OCA2: variants seen among roughly 807,000 people sequenced by gnomAD.
The protein encoded by OCA2 is P protein.
In OCA2, 77 loss-of-function variants were observed where a neutral mutation model predicts 100.2. The ratio of observed to expected loss-of-function variants is 0.77; its 90% CI spans 0.64 to 0.93. OCA2 has a LOEUF of 0.93. Among genes scored for constraint, OCA2 ranks in the 40% least tolerant of loss-of-function variants. OCA2 has a pLI of 0.00. For missense variants in OCA2, 1,062 were observed against 1,089.1 expected (o/e 0.98, Z 0.35); for synonymous variants, 432 against 439.2 (o/e 0.98, Z 0.21).
chr15:27,922,897 T>C (rs1048550665), intron 19 of OCA2, among the ~76,000 whole-genome samples: 19 of 152,122 alleles, frequency 1.2e-4, no homozygotes, highest in African/African-American at 4.6e-4. Context: ...GTTGTACAGA[T>C]TATTTTGTCA....
chr15:27,886,535 C>G (rs1010696847), intron 19 of OCA2, among the ~76,000 whole-genome samples: 11 of 152,106 alleles, frequency 7.2e-5, no homozygotes, highest in African/African-American at 2.2e-4. Context: ...TTATTTATAA[C>G]TTCAAAACAC....
the OCA2 span, among the ~76,000 whole-genome samples, chr15:27,730,517 A>G: frequency 1.3e-5 from 2 of 151,858 alleles, no homozygotes; most frequent in African/African-American, 4.8e-5. Flanking sequence ...AATTGGCTCA[A>G]TCTCCCACCC....
At chr15:27,964,140 C>T (rs2040489986) in intron 15 of OCA2, among the ~76,000 whole-genome samples, 1 of 152,080 alleles carries the variant, frequency 6.6e-6, no homozygotes, top group Admixed American at 6.5e-5. Flanking sequence ...ACATCCAGGC[C>T]TATAAATGTC....
chr15:27,990,739 G>C (rs1334257240), intron 9 of OCA2, 92 bp from the exon 10 acceptor site: 1 of 1,045,108 alleles, frequency 9.6e-7, no homozygotes. Context: ...GTCTATATCT[G>C]CCACTGTGTA....
chr15:27,726,541 TAGAG>T, the OCA2 span, among the ~76,000 whole-genome samples: 9 of 152,198 alleles, frequency 5.9e-5, no homozygotes, highest in East Asian at 1.9e-4. Context: ...GGCCTGGAGA[TAGAG>T]AGAATCTTCT....
intron 18 of OCA2, among the ~76,000 whole-genome samples, chr15:27,930,940 T>A (rs922551104): frequency 1.3e-5 from 2 of 152,186 alleles, no homozygotes; most frequent in African/African-American, 4.8e-5. Context: ...ATCATCAAAT[T>A]AGCCAAACAC....
At chr15:27,761,230 C>T (rs1445465491) in intron 23 of OCA2, among the ~76,000 whole-genome samples, 1 of 151,564 alleles carries the variant, frequency 6.6e-6, no homozygotes, top group Non-Finnish European at 1.5e-5. Context: ...AATCAGTGAG[C>T]AGTAAGTTCA....
chr15:27,856,419 T>C (rs929572368), intron 21 of OCA2, among the ~76,000 whole-genome samples: 5 of 152,158 alleles, frequency 3.3e-5, no homozygotes, highest in African/African-American at 1.2e-4. Flanking sequence ...ATTTTGGCTT[T>C]TTTAATAGTG....
At position 27,859,311 on chromosome 15, in the gene OCA2, C is replaced by T. The variant is rs190771268; in HGVS notation, c.2245-7836G>A. ...CTAAGAAAAAGAGATAAAATACAAA[C>T]GACTAAAATCAAAAACTAAAGTGGA... On this transcript the variant is annotated intron_variant, in intron 21 of 23. Transcript: ENST00000354638. Among the ~76,000 whole-genome samples, 374 of 151,974 alleles carry T rather than the reference C, an allele frequency of 2.5e-3. 1 individual carries two copies. Among genetic ancestry groups the T allele is most frequent in the Middle Eastern group, 6.8e-3 (2 of 292 alleles).
At chr15:27,948,938 G>A (rs2039938534) in intron 18 of OCA2, among the ~76,000 whole-genome samples, 1 of 152,220 alleles carries the variant, frequency 6.6e-6, no homozygotes, top group Non-Finnish European at 1.5e-5. Flanking sequence ...AGGACCGGGG[G>A]AGGGTGGCTA....
chr15:27,813,854 T>C (rs1381694315), intron 23 of OCA2, among the ~76,000 whole-genome samples: 2 of 152,328 alleles, frequency 1.3e-5, no homozygotes, highest in African/African-American at 2.4e-5. Flanking sequence ...ATAAAATCTA[T>C]AGAGAAAAGA....
chr15:28,094,545 G>A (rs1328769687), intron 1 of OCA2, among the ~76,000 whole-genome samples: 2 of 152,180 alleles, frequency 1.3e-5, no homozygotes, highest in Admixed American at 6.5e-5. Context: ...AGAAAAAATA[G>A]ATAGTTGTGG....
chr15:28,065,009 T>C (rs1001060832), intron 2 of OCA2, among the ~76,000 whole-genome samples: 3 of 152,140 alleles, frequency 2.0e-5, no homozygotes, highest in Admixed American at 2.0e-4. Context: ...TCATGTCTGT[T>C]TCCTAACATC....
chr15:28,082,413 G>C (rs895599662), intron 1 of OCA2, among the ~76,000 whole-genome samples: 1 of 152,148 alleles, frequency 6.6e-6, no homozygotes, highest in Non-Finnish European at 1.5e-5. Context: ...AACACTCACC[G>C]GGAAGGTCTG....
At chr15:28,020,972 G>A in intron 6 of OCA2, among the ~76,000 whole-genome samples, 1 of 152,126 alleles carries the variant, frequency 6.6e-6, no homozygotes, top group African/African-American at 2.4e-5. Flanking sequence ...CTGCCAGAAG[G>A]ACTACAAAAA....
At chr15:28,094,047 T>G (rs1212162152) in intron 1 of OCA2, among the ~76,000 whole-genome samples, 3 of 152,078 alleles carry the variant, frequency 2.0e-5, no homozygotes, top group Non-Finnish European at 4.4e-5. Flanking sequence ...TCCAAACACA[T>G]CCTAACTCCT....
intron 18 of OCA2, among the ~76,000 whole-genome samples, chr15:27,934,208 C>T (rs1339162306): frequency 6.6e-6 from 1 of 152,178 alleles, no homozygotes; most frequent in East Asian, 1.9e-4. Context: ...TGTCATTTAG[C>T]ATGTGAAGGG....
chr15:27,925,576 G>A (rs1013700194), intron 19 of OCA2, among the ~76,000 whole-genome samples: 1 of 152,186 alleles, frequency 6.6e-6, no homozygotes, highest in African/African-American at 2.4e-5. Flanking sequence ...GAAATGCAAA[G>A]AAGTGGTGCT....
At chr15:27,872,758 C>T (rs1359272938) in intron 19 of OCA2, among the ~76,000 whole-genome samples, 2 of 151,158 alleles carry the variant, frequency 1.3e-5, no homozygotes, top group Non-Finnish European at 2.9e-5. Flanking sequence ...GGCACGATCT[C>T]GGTTCACTGC....
Sources: allele counts gnomAD v4.1 joint callset (sites outside exome capture counted in the v4.1 genomes callset), GRCh38; gene constraint gnomAD v4.1.1; transcripts MANE v1.5; gene names NCBI Gene and HGNC (gene_info 2026-07-23, HGNC 2026-07-21).